Variants in CPEB3 observed in about 807,000 individuals in gnomAD.
The protein encoded by CPEB3 is cytoplasmic polyadenylation element-binding protein 3.
In CPEB3, 20 loss-of-function variants were observed where a neutral mutation model predicts 67.2. The observed-to-expected ratio is 0.30, with a 90% CI of 0.21 to 0.43. The LOEUF (loss-of-function observed/expected upper bound fraction) is 0.43, where lower values mean the gene tolerates loss of function less well. Among genes scored for constraint, CPEB3 ranks in the 20% least tolerant of loss-of-function variants. The probability of loss-of-function intolerance (pLI) is 1.00; values close to 1 mark genes in which losing one functional copy is unlikely to be tolerated. For synonymous variants in CPEB3, 376 were observed against 393.1 expected (o/e 0.96, Z 0.51); for missense variants, 746 against 968.6 (o/e 0.77, Z 3.05).
At chr10:92,053,845 C>T (rs931107708) in intron 9 of CPEB3, among the ~76,000 whole-genome samples, 2 of 151,528 alleles carry the variant, frequency 1.3e-5, no homozygotes, top group African/African-American at 4.8e-5. Context: ...CTGGCACACT[C>T]GACTTATTTT....
chr10:92,246,560 T>A (rs1368030614), intron 1 of CPEB3, among the ~76,000 whole-genome samples: 2 of 150,626 alleles, frequency 1.3e-5, no homozygotes, highest in African/African-American at 4.9e-5. Context: ...CAGGCTGGAG[T>A]GCAGTGGCAC....
chr10:92,291,005 G>A lies in CPEB3; in HGVS notation c.-91C>T, dbSNP rs1409551463. ...CGAAAGACATTTTTTCCCCCTGGAG[G>A]AAGGAAACGGGAGGGCGCCGGCCAG... On this transcript the variant is annotated 5_prime_UTR_variant, in exon 1 of 10. Coordinates refer to ENST00000265997, the MANE Select transcript of CPEB3 (RefSeq NM_014912.5). 1.2e-5 allele frequency: 2 copies of A among 168,438 alleles called. No homozygotes were observed. The highest frequency in any genetic ancestry group is 2.6e-5 in the Non-Finnish European group (2 of 78,214). The allele number at this position is 168,438 out of a possible 1,614,324, so 10.4% of individuals were successfully genotyped here.
At chr10:92,208,092 A>G (rs1488276796) in intron 2 of CPEB3, among the ~76,000 whole-genome samples, 2 of 152,216 alleles carry the variant, frequency 1.3e-5, no homozygotes, top group Middle Eastern at 3.2e-3. Context: ...ATGAGCAAAA[A>G]TATGTGGGAA....
At chr10:92,242,519 T>C (rs937295276) in intron 1 of CPEB3, among the ~76,000 whole-genome samples, 2 of 152,216 alleles carry the variant, frequency 1.3e-5, no homozygotes, top group African/African-American at 4.8e-5. Context: ...ACCATTATAA[T>C]CTGAGATTTG....
chr10:92,123,699 C>T (rs917321471), intron 6 of CPEB3, among the ~76,000 whole-genome samples: 1 of 152,202 alleles, frequency 6.6e-6, no homozygotes, highest in Non-Finnish European at 1.5e-5. Flanking sequence ...AAGCTTTAGT[C>T]TGGCCTTGTG....
chr10:92,216,616 A>G, intron 2 of CPEB3: 2 of 1,610,206 alleles, frequency 1.2e-6, no homozygotes, highest in Non-Finnish European at 1.7e-6. Context: ...GCCATCTCCC[A>G]GTTAGGTGTG....
chr10:92,254,929 A>G (rs1455564371), intron 1 of CPEB3, among the ~76,000 whole-genome samples: 1 of 151,346 alleles, frequency 6.6e-6, no homozygotes, highest in African/African-American at 2.4e-5. Context: ...GCTAGTTTCA[A>G]ATGCCGGGCC....
intron 2 of CPEB3, among the ~76,000 whole-genome samples, chr10:92,234,474 C>T (rs1851430384): frequency 6.6e-6 from 1 of 152,016 alleles, no homozygotes; most frequent in African/African-American, 2.4e-5. Context: ...CAGATTCAGT[C>T]CAGCTTCTTA....
chr10:92,157,338 T>C (rs1307720654), intron 4 of CPEB3, among the ~76,000 whole-genome samples: 1 of 152,208 alleles, frequency 6.6e-6, no homozygotes, highest in Non-Finnish European at 1.5e-5. Flanking sequence ...CTAAGTCCCA[T>C]ATGCTTTCTA....
At chr10:92,260,901 G>A (rs1022012734) in intron 1 of CPEB3, among the ~76,000 whole-genome samples, 13 of 152,102 alleles carry the variant, frequency 8.5e-5, no homozygotes, top group Admixed American at 5.2e-4. Context: ...GAGCCACTGC[G>A]CCTGGCCAAT....
At chr10:92,079,833 C>T (rs1843069209) in intron 9 of CPEB3, among the ~76,000 whole-genome samples, 1 of 152,132 alleles carries the variant, frequency 6.6e-6, no homozygotes, top group South Asian at 2.1e-4. Context: ...TAATTATAGT[C>T]CAGTGATGCC....
Position 92,225,304 on chromosome 10 carries a change from C to T in CPEB3, c.1005+14042G>A, listed in dbSNP as rs1199861601. Among the ~76,000 whole-genome samples the T allele has an allele frequency of 3.3e-5, 5 of 152,274 alleles. No homozygotes were observed. The East Asian group carries it at 5.8e-4, about 18-fold the overall frequency. On this transcript the variant is annotated intron_variant, in intron 2 of 9. Transcript: ENST00000265997. Reference sequence around the variant, plus strand: ...CCCATTTTCTGATCTGCCTGTCAAACTCTGCCCACTCACCTCTAAATAAAG... The same window carrying T: ...CCCATTTTCTGATCTGCCTGTCAAATTCTGCCCACTCACCTCTAAATAAAG...
At chr10:92,170,671 G>A (rs1443787493) in intron 4 of CPEB3, among the ~76,000 whole-genome samples, 1 of 152,080 alleles carries the variant, frequency 6.6e-6, no homozygotes, top group Non-Finnish European at 1.5e-5. Flanking sequence ...GGAAGGAAGG[G>A]AGGGAGGGAG....
At chr10:92,095,612 T>C (rs925425511) in intron 7 of CPEB3, among the ~76,000 whole-genome samples, 1 of 137,936 alleles carries the variant, frequency 7.2e-6, no homozygotes, top group Non-Finnish European at 1.5e-5. Flanking sequence ...TTTTTTTTTT[T>C]CATTGTGTAT....
At chr10:92,288,591 C>G (rs1288098559) in intron 1 of CPEB3, among the ~76,000 whole-genome samples, 1 of 152,070 alleles carries the variant, frequency 6.6e-6, no homozygotes, top group Non-Finnish European at 1.5e-5. Context: ...CTCTTTAGAC[C>G]AGTAACAGGA....
chr10:92,286,455 C>T (rs144367045), intron 1 of CPEB3, among the ~76,000 whole-genome samples: 3 of 151,840 alleles, frequency 2.0e-5, no homozygotes, highest in Admixed American at 6.6e-5. Context: ...CGTGGTGATG[C>T]ATGCCTGTGA....
At chr10:92,147,369 T>C (rs927900151) in intron 4 of CPEB3, among the ~76,000 whole-genome samples, 1 of 151,826 alleles carries the variant, frequency 6.6e-6, no homozygotes, top group Non-Finnish European at 1.5e-5. Context: ...GGTGGGAGGA[T>C]CGCTTGAGTC....
At chr10:92,144,049 G>A (rs1049832552) in intron 5 of CPEB3, among the ~76,000 whole-genome samples, 4 of 152,226 alleles carry the variant, frequency 2.6e-5, no homozygotes, top group African/African-American at 9.6e-5. Flanking sequence ...AACTAGAGTT[G>A]TTTTTTGCTT....
intron 4 of CPEB3, among the ~76,000 whole-genome samples, chr10:92,152,703 TTA>T (rs1847019857): frequency 6.6e-6 from 1 of 152,202 alleles, no homozygotes; most frequent in South Asian, 2.1e-4. Flanking sequence ...CCAAAAAGTT[TTA>T]GATAGCTATC....
Sources: allele counts gnomAD v4.1 joint callset (sites outside exome capture counted in the v4.1 genomes callset), GRCh38; gene constraint gnomAD v4.1.1; transcripts MANE v1.5; gene names NCBI Gene and HGNC (gene_info 2026-07-23, HGNC 2026-07-21).